TMEM65: variants seen among roughly 807,000 people sequenced by gnomAD.
The protein encoded by TMEM65 is transmembrane protein 65.
TMEM65 carries 22 observed loss-of-function variants against 25.4 expected under a neutral mutation model. The observed-to-expected ratio is 0.86, with a 90% confidence interval of 0.62 to 1.23. TMEM65 has a LOEUF of 1.23. Ranked by LOEUF, TMEM65 falls within the 50% of genes most tolerant of loss-of-function variation. The pLI is 0.00. For missense variants in TMEM65, 262 were observed against 308.2 expected (o/e 0.85, Z 1.12); for synonymous variants, 132 against 126.2 (o/e 1.05, Z -0.31).
chr8:124,339,366 AAAAAAGT>A (rs1261564851), intron 1 of TMEM65, among the ~76,000 whole-genome samples: 6 of 60,882 alleles, frequency 9.9e-5, no homozygotes, highest in African/African-American at 3.2e-4. Flanking sequence ...AAGCTATAGC[AAAAAAGT>A]TATTTCTGTA....
intron 1 of TMEM65, among the ~76,000 whole-genome samples, chr8:124,350,463 CCTCT>C (rs772840896): frequency 8.8e-4 from 93 of 106,108 alleles, no homozygotes; most frequent in African/African-American, 2.5e-3. Context: ...TCTCTCTTTC[CCTCT>C]CTCTCTCTCT....
chr8:124,339,438 C>T (rs555877220), intron 1 of TMEM65, among the ~76,000 whole-genome samples: 2 of 151,446 alleles, frequency 1.3e-5, no homozygotes, highest in Admixed American at 6.6e-5. Context: ...CTGGATGAAG[C>T]TCTCTGAACC....
At chr8:124,315,812 A>G (rs887670843) in intron 6 of TMEM65, among the ~76,000 whole-genome samples, 1 of 152,206 alleles carries the variant, frequency 6.6e-6, no homozygotes, top group Non-Finnish European at 1.5e-5. Context: ...GGTATCATTC[A>G]TGCAGAGTTT....
intron 1 of TMEM65, among the ~76,000 whole-genome samples, chr8:124,363,518 T>A (rs1274387850): frequency 2.0e-5 from 3 of 152,142 alleles, no homozygotes; most frequent in African/African-American, 7.2e-5. Context: ...TGTTCATTAA[T>A]CCCCTACAAC....
At chr8:124,319,012 C>A (rs2131195155) in intron 6 of TMEM65, among the ~76,000 whole-genome samples, 1 of 152,262 alleles carries the variant, frequency 6.6e-6, no homozygotes, top group South Asian at 2.1e-4. Context: ...TCTGTCTCCT[C>A]ACTGCTTGAA....
At chr8:124,361,438 GAA>G (rs113824233) in intron 1 of TMEM65, among the ~76,000 whole-genome samples, 1,947 of 85,192 alleles carry the variant, frequency 0.023, 46 homozygotes, top group East Asian at 0.16. Flanking sequence ...TCTGTCTCAC[GAA>G]AAAAAAAAAA....
At chr8:124,368,863 A>G (rs1586477447) in intron 1 of TMEM65, among the ~76,000 whole-genome samples, 1 of 152,358 alleles carries the variant, frequency 6.6e-6, no homozygotes, top group South Asian at 2.1e-4. Flanking sequence ...GAGTTAATAC[A>G]TGCTTGTTTT....
intron 3 of TMEM65, among the ~76,000 whole-genome samples, chr8:124,324,851 T>C (rs904794732): frequency 3.9e-5 from 6 of 152,094 alleles, no homozygotes; most frequent in Admixed American, 2.0e-4. Flanking sequence ...GTAGAAATTA[T>C]AAATAAACCG....
At chr8:124,347,476 T>C (rs1006122427) in intron 1 of TMEM65, among the ~76,000 whole-genome samples, 14 of 152,132 alleles carry the variant, frequency 9.2e-5, no homozygotes, top group Non-Finnish European at 7.4e-5. Flanking sequence ...AAACTACCTA[T>C]TGGGCACAAC....
chr8:124,349,590 A>G (rs1341820580), intron 1 of TMEM65, among the ~76,000 whole-genome samples: 3 of 152,202 alleles, frequency 2.0e-5, no homozygotes, highest in Non-Finnish European at 2.9e-5. Context: ...GACCTAACAC[A>G]AATACCTACT....
At chr8:124,369,791 T>C (rs1563602135) in intron 1 of TMEM65, among the ~76,000 whole-genome samples, 1 of 152,216 alleles carries the variant, frequency 6.6e-6, no homozygotes, top group East Asian at 1.9e-4. Flanking sequence ...TATGTATTGA[T>C]ACTGAAAACA....
Position 124,312,442 on chromosome 8 carries a change from G to A in TMEM65, c.*1518C>T, listed in dbSNP as rs2131190163. The A allele has an allele frequency of 6.6e-6, 1 of 152,032 alleles. No homozygotes were observed. Among genetic ancestry groups the A allele is most frequent in the African/African-American group, 2.4e-5 (1 of 41,518 alleles). The allele number at this position is 152,032 out of a possible 1,614,324, so 9.4% of individuals were successfully genotyped here. A position where few individuals can be genotyped will look rare whatever the true frequency, so the allele number is the denominator to read the frequency against. ...TGCCTTGTGAAAAAATATCTACTCT[G>A]AAGAGTTCAAAGTAATTATGTATAA... On this transcript the variant is annotated 3_prime_UTR_variant, in exon 7 of 7. Transcript: ENST00000297632.
Position 124,313,466 on chromosome 8 carries a change from T to C in TMEM65, c.*494A>G, listed in dbSNP as rs1467682521. On this transcript the variant is annotated 3_prime_UTR_variant, in exon 7 of 7. Transcript: ENST00000297632. ...GACAGTTAAGAAATGACTGAAATTATATTATTATAAATGTTTACTGCATAA... is the reference window on the plus strand; with the variant it reads ...GACAGTTAAGAAATGACTGAAATTACATTATTATAAATGTTTACTGCATAA... 1 of 152,144 alleles carries C rather than the reference T, an allele frequency of 6.6e-6. No homozygotes were observed. The highest frequency in any genetic ancestry group is 1.5e-5 in the Non-Finnish European group (1 of 67,992). The allele number at this position is 152,144 out of a possible 1,614,324, so 9.4% of individuals were successfully genotyped here.
rs992947734 is a variant in TMEM65, at chr8:124,363,644, C to T, written c.304+8210G>A. Among the ~76,000 whole-genome samples the T allele has an allele frequency of 1.3e-4, 20 of 151,752 alleles. No individual in the cohort carries two copies. In the East Asian group the frequency reaches 3.7e-3, roughly 28 times the overall value. On this transcript the variant is annotated intron_variant, in intron 1 of 6. Coordinates refer to ENST00000297632, the MANE Select transcript of TMEM65 (RefSeq NM_194291.3). Reference sequence around the variant, plus strand: ...CGAGGTCAGGAGATCGAGACCATCCCAGCTAAAACGGTGAAACCCCGTCTC... The same window carrying T: ...CGAGGTCAGGAGATCGAGACCATCCTAGCTAAAACGGTGAAACCCCGTCTC...
Position 124,331,505 on chromosome 8 carries a change from G to T in TMEM65, c.305-713C>A, listed in dbSNP as rs1190139917. ...CATTAAAACAACTTTTAAAAGTAGGGTGTTGTTCAGAATCACAAGTAACAA... is the reference window on the plus strand; with the variant it reads ...CATTAAAACAACTTTTAAAAGTAGGTTGTTGTTCAGAATCACAAGTAACAA... On this transcript the variant is annotated intron_variant, in intron 1 of 6. Transcript: ENST00000297632. Among the ~76,000 whole-genome samples, 5 of 151,062 alleles carry T rather than the reference G, an allele frequency of 3.3e-5. No homozygotes were observed. The East Asian group carries it at 9.7e-4, about 29-fold the overall frequency.
At chr8:124,355,524 C>A (rs896093409) in intron 1 of TMEM65, among the ~76,000 whole-genome samples, 1 of 152,208 alleles carries the variant, frequency 6.6e-6, no homozygotes, top group African/African-American at 2.4e-5. Flanking sequence ...TGCAGAATCT[C>A]AGGCCCCACT....
In TMEM65 at chr8:124,360,429, C is replaced by CAAAA. The variant is rs55829098; in HGVS notation, c.304+11421_304+11424dup. On this transcript the variant is annotated intron_variant, in intron 1 of 6. Coordinates refer to ENST00000297632, the MANE Select transcript of TMEM65 (RefSeq NM_194291.3). ...TAGGTGACAGAGGGAGACTCTGTCA[C>CAAAA]AAAAAAAAAAAAAAAAAAAAAATCT... is the stretch of plus-strand genomic sequence containing the variant. 5.0e-4 allele frequency among the ~76,000 whole-genome samples: 35 copies of CAAAA among 70,500 alleles called. 1 individual carries two copies. The highest frequency in any genetic ancestry group is 7.2e-4 in the Admixed American group (4 of 5,584). The allele number at this position is 70,500 out of a possible 152,430, so 46.3% of individuals were successfully genotyped here.
intron 1 of TMEM65, among the ~76,000 whole-genome samples, chr8:124,354,618 CT>C (rs1273249017): frequency 6.6e-6 from 1 of 152,214 alleles, no homozygotes; most frequent in Non-Finnish European, 1.5e-5. Context: ...AGGCCCAACC[CT>C]TTTGCCCAAC....
chr8:124,330,870 CAGA>C (rs1814423813), intron 1 of TMEM65, 78 bp from the exon 2 acceptor site: 1 of 1,329,362 alleles, frequency 7.5e-7, no homozygotes, highest in Non-Finnish European at 1.0e-6. Context: ...AAGAAAATAC[CAGA>C]AGATTTACAA....
Sources: allele counts gnomAD v4.1 joint callset (sites outside exome capture counted in the v4.1 genomes callset), GRCh38; gene constraint gnomAD v4.1.1; transcripts MANE v1.5; gene names NCBI Gene and HGNC (gene_info 2026-07-23, HGNC 2026-07-21).